The following POLR2G variants were observed in gnomAD, a reference collection of about 807,000 sequenced individuals.
The protein encoded by POLR2G is RNA polymerase II subunit G.
Under a neutral mutation model 25.7 loss-of-function variants are expected in POLR2G, and 19 were observed. That is an observed-to-expected ratio of 0.74 (90% CI 0.52 to 1.08). The LOEUF is 1.08. POLR2G is among the 50% of genes least tolerant of loss of function. POLR2G has a pLI of 0.00. For synonymous variants in POLR2G, 79 were observed against 76.0 expected (o/e 1.04, Z -0.21); for missense variants, 123 against 218.5 (o/e 0.56, Z 2.76).
chr11:62,763,333 C>T (rs147422262), intron 3 of POLR2G, among the ~76,000 whole-genome samples: 2,740 of 131,636 alleles, frequency 0.021, 63 homozygotes, highest in African/African-American at 0.067. Context: ...CTCGCTTTGT[C>T]ACCCAGGCTG....
chr11:62,765,858 G>C, intron 6 of POLR2G, 134 bp downstream of exon 6: 1 of 632,174 alleles, frequency 1.6e-6, no homozygotes. Context: ...CGCGATCTCG[G>C]CTCACTGCAA....
rs141251020 is a variant in POLR2G, at chr11:62,762,930, C to T, written c.186C>T (p.Gly62=). 2.9e-4 allele frequency: 475 copies of T among 1,611,746 alleles called. 1 individual carries two copies. The Middle Eastern group carries it at 3.0e-3, about 10-fold the overall frequency. Residue 62 remains glycine, a synonymous_variant, in exon 3 of 8, where the codon GGC becomes GGT. Coordinates refer to ENST00000301788, the MANE Select transcript of POLR2G (RefSeq NM_002696.3). ...TTGGTGCTGGTGTGATCCAGCCAGG[C>T]CGAGGCTTTGTCCTTTATCCAGTTA... The part of the protein sequence containing the change: ...DNIGAGVIQP[G]RGFVLYPVKY...
At chr11:62,763,837 G>C (rs965167903) in intron 3 of POLR2G, among the ~76,000 whole-genome samples, 1 of 151,688 alleles carries the variant, frequency 6.6e-6, no homozygotes, top group African/African-American at 2.4e-5. Context: ...CCGCCTCTGG[G>C]TTCAAGCGAT....
chr11:62,764,865 GT>G (rs200826803), intron 3 of POLR2G, among the ~76,000 whole-genome samples: 39 of 143,976 alleles, frequency 2.7e-4, no homozygotes, highest in African/African-American at 3.5e-4. Flanking sequence ...TCACTCTTTT[GT>G]TTTTTTTTTT....
intron 3 of POLR2G, among the ~76,000 whole-genome samples, chr11:62,763,377 C>G (rs574741413): frequency 2.8e-3 from 421 of 151,614 alleles, no homozygotes; most frequent in African/African-American, 9.8e-3. Context: ...TCACTGCAAG[C>G]TCCGCCTCCC....
At chr11:62,766,149 A>T in intron 6 of POLR2G, 94 bp from the exon 7 acceptor site, 1 of 1,041,864 alleles carries the variant, frequency 9.6e-7, no homozygotes, top group Admixed American at 1.7e-5. Flanking sequence ...TGCCAGGAAG[A>T]AGGGATGGAT....
At chr11:62,761,765 G>A (rs1811372229) in intron 1 of POLR2G, 30 bp from the exon 2 acceptor site, 1 of 1,610,058 alleles carries the variant, frequency 6.2e-7, no homozygotes, top group Non-Finnish European at 8.5e-7. Context: ...CCAGCGCCTG[G>A]CCTGGTCGCC....
At chr11:62,761,716 G>T (rs980482643) in intron 1 of POLR2G, 56 bp downstream of exon 1, 3 of 1,609,374 alleles carry the variant, frequency 1.9e-6, no homozygotes, top group Non-Finnish European at 2.5e-6. Context: ...AGCAAGGCCA[G>T]GCGCCGGCGC....
rs766011367 is a variant in POLR2G, at chr11:62,762,963, G to T, written c.219G>T (p.Lys73Asn). 2 of 1,611,702 alleles carry T rather than the reference G, an allele frequency of 1.2e-6. No homozygotes were observed. Among genetic ancestry groups the T allele is most frequent in the Admixed American group, 3.3e-5 (2 of 59,966 alleles). ...RGFVLYPVKY[K>N]AIVFRPFKGE... ...TTGTCCTTTATCCAGTTAAGTACAA[G>T]GCCATTGTTTTCCGGCCATTTAAAG... The change falls in exon 3 of 8, where the codon AAG (lysine) becomes AAT (asparagine). Residue 73 changes from lysine (K) to asparagine (N), a missense_variant. Lys to Asn is a moderately conservative substitution (Grantham distance 94, BLOSUM62 0). Transcript: ENST00000301788.
chr11:62,763,104 C>A, intron 3 of POLR2G, 78 bp downstream of exon 3: 5 of 747,690 alleles, frequency 6.7e-6, no homozygotes, highest in Non-Finnish European at 1.0e-5. Flanking sequence ...CTTCATAACT[C>A]TGTGCCTTTG....
chr11:62,764,276 T>C (rs2084103859), intron 3 of POLR2G, among the ~76,000 whole-genome samples: 4 of 151,090 alleles, frequency 2.6e-5, no homozygotes, highest in Admixed American at 2.6e-4. Flanking sequence ...GCCTGGCCAA[T>C]ATGGTGAAAC....
chr11:62,766,103 T>G (rs577935618), intron 6 of POLR2G, 140 bp from the exon 7 acceptor site: 5 of 805,694 alleles, frequency 6.2e-6, no homozygotes, highest in Non-Finnish European at 1.1e-5. Context: ...TGTCGATTTC[T>G]TACCACCCAC....
chr11:62,762,668 A>G (rs1015272131), intron 2 of POLR2G, 199 bp from the exon 3 acceptor site: 7 of 644,792 alleles, frequency 1.1e-5, no homozygotes, highest in African/African-American at 7.1e-5. Flanking sequence ...TGAAATTACC[A>G]GAACAGCATT....
rs750811266 is a variant in POLR2G, at chr11:62,761,690, C to A, written c.12+30C>A. 1.4e-5 allele frequency: 23 copies of A among 1,611,210 alleles called. 1 individual carries two copies. The highest frequency in any genetic ancestry group is 1.8e-5 in the Non-Finnish European group (21 of 1,178,054). On this transcript the variant is annotated intron_variant, in intron 1 of 7. Transcript: ENST00000301788. ...GCAGGGCTCAGGGTGGCGGCAAGGGCTGGGTGGAAAGGAAGAGCAAGGCCA... is the reference window on the plus strand; with the variant it reads ...GCAGGGCTCAGGGTGGCGGCAAGGGATGGGTGGAAAGGAAGAGCAAGGCCA...
At chr11:62,764,865 G>GTT (rs200826803) in intron 3 of POLR2G, among the ~76,000 whole-genome samples, 1 of 144,020 alleles carries the variant, frequency 6.9e-6, no homozygotes. Flanking sequence ...TCACTCTTTT[G>GTT]TTTTTTTTTT....
In POLR2G at chr11:62,766,654, C is replaced by A; in HGVS notation, c.*147C>A. On this transcript the variant is annotated 3_prime_UTR_variant, in exon 8 of 8. Coordinates refer to ENST00000301788, the MANE Select transcript of POLR2G (RefSeq NM_002696.3). Reference sequence around the variant, plus strand: ...GCATCTGGTGCTTCTTGTAGCTTAACTACTGCCTCCTCATTTTTCAGTATG... The same window carrying A: ...GCATCTGGTGCTTCTTGTAGCTTAAATACTGCCTCCTCATTTTTCAGTATG... 1.5e-6 allele frequency: 1 copy of A among 660,400 alleles called. No homozygotes were observed. Among genetic ancestry groups the A allele is most frequent in the Non-Finnish European group, 2.7e-6 (1 of 370,274 alleles). 40.9% of individuals were successfully genotyped at this position (660,400 alleles called of 1,614,324 possible).
chr11:62,765,498 C>A, intron 5 of POLR2G, 93 bp downstream of exon 5: 1 of 1,151,752 alleles, frequency 8.7e-7, no homozygotes, highest in Non-Finnish European at 1.3e-6. Context: ...ACAGATGGTC[C>A]CCGAATTACC....
At chr11:62,763,657 A>C (rs764464301) in intron 3 of POLR2G, among the ~76,000 whole-genome samples, 2 of 151,896 alleles carry the variant, frequency 1.3e-5, no homozygotes, top group Non-Finnish European at 1.5e-5. Flanking sequence ...AGTCAGTATT[A>C]ATAGTCATAA....
intron 1 of POLR2G, 51 bp downstream of exon 1, chr11:62,761,711 G>A: frequency 2.5e-6 from 4 of 1,609,976 alleles, no homozygotes; most frequent in Non-Finnish European, 3.4e-6. Flanking sequence ...GGAAGAGCAA[G>A]GCCAGGCGCC....
Sources: allele counts gnomAD v4.1 joint callset (sites outside exome capture counted in the v4.1 genomes callset), GRCh38; gene constraint gnomAD v4.1.1; transcripts MANE v1.5; gene names NCBI Gene and HGNC (gene_info 2026-07-23, HGNC 2026-07-21).